The following EXOSC10 variants were observed in gnomAD, a reference collection of about 807,000 sequenced individuals.
The protein encoded by EXOSC10 is exosome complex component 10.
Under a neutral mutation model 126.6 loss-of-function variants are expected in EXOSC10, and 94 were observed. The ratio of observed to expected loss-of-function variants is 0.74; its 90% CI spans 0.63 to 0.88. The LOEUF is 0.88. EXOSC10 is among the 40% of genes least tolerant of loss of function. EXOSC10 has a pLI of 0.00. For synonymous variants in EXOSC10, 395 were observed against 400.8 expected (o/e 0.99, Z 0.17); for missense variants, 1,041 against 1,100.5 (o/e 0.95, Z 0.77).
intron 19 of EXOSC10, chr1:11,073,121 A>G (rs1033494750): frequency 6.6e-6 from 1 of 152,208 alleles, no homozygotes; most frequent in African/African-American, 2.4e-5. Context: ...TGTTTCTTAC[A>G]AAGTTTCCAA....
rs548659752 is a variant in EXOSC10, at chr1:11,078,280, C to T, written c.1750-629G>A. On this transcript the variant is annotated intron_variant, in intron 14 of 24. Transcript: ENST00000376936. ...ACCCTGTTTCTTTTTTTTTTTGAGA[C>T]GGAGTCTCGCTCTGTCGCCCAGACT... Among the ~76,000 whole-genome samples, 5 of 133,082 alleles carry T rather than the reference C, an allele frequency of 3.8e-5. 1 individual carries two copies. Among genetic ancestry groups the T allele is most frequent in the African/African-American group, 6.4e-5 (2 of 31,320 alleles). 87.3% of individuals were successfully genotyped at this position (133,082 alleles called of 152,430 possible). A position where few individuals can be genotyped will look rare whatever the true frequency, so the allele number is the denominator to read the frequency against.
rs765928264 is a variant in EXOSC10 at position 11,091,542 on chromosome 1, G to A, written c.428C>T (p.Pro143Leu). The change falls in exon 4 of 25, where the codon CCT (proline) becomes CTT (leucine). Residue 143 changes from proline (P) to leucine (L), a missense_variant. Pro to Leu is a moderately conservative substitution (Grantham distance 98). This residue lies in a region of EXOSC10 where 645 missense variants were observed against 656.3 expected (regional missense o/e 0.98). Transcript: ENST00000376936. ...CGTTTTGGGGACCTGCAAGCCGGCAGGGAGGACAGGCTGTTGATTCTTGTT... is the reference window on the plus strand; with the variant it reads ...CGTTTTGGGGACCTGCAAGCCGGCAAGGAGGACAGGCTGTTGATTCTTGTT... ...GVNKNQQPVL[P>L]AGLQVPKTVV... The A allele has an allele frequency of 1.2e-6, 2 of 1,614,218 alleles. No homozygotes were observed. Among genetic ancestry groups the A allele is most frequent in the Non-Finnish European group, 8.5e-7 (1 of 1,180,036 alleles).
rs774820562 is a variant in EXOSC10 at position 11,079,771 on chromosome 1, C to T, written c.1689G>A (p.Arg563=). ...ACCNPVPPLV[R]QQINEMHLLI... is the part of the protein sequence containing the mutation. The stretch of plus-strand genomic sequence containing the variant: ...AAAGGTGCATTTCGTTGATCTGCTG[C>T]CGCACAAGGGGCGGTACTGGGTTGC... Residue 563 remains arginine (R), a synonymous_variant, in exon 14 of 25, where the codon CGG becomes CGA. Coordinates refer to ENST00000376936, the MANE Select transcript of EXOSC10 (RefSeq NM_001001998.3). 5 of 1,613,836 alleles carry T rather than the reference C, an allele frequency of 3.1e-6. No individual in the cohort carries two copies. The highest frequency in any genetic ancestry group is 4.5e-5 in the East Asian group (2 of 44,856).
At position 11,091,084 on chromosome 1, in the gene EXOSC10, A is replaced by G. The variant is rs1570848500; in HGVS notation, c.573T>C (p.Ile191=). 2 of 1,614,186 alleles carry G rather than the reference A, an allele frequency of 1.2e-6. No individual in the cohort carries two copies. Among genetic ancestry groups the G allele is most frequent in the South Asian group, 1.1e-5 (1 of 91,084 alleles). ...GAAGAAATGGTGTGTTGGAATTGTC[A>G]ATCTTCTCTCGAAACTTGAGCTGAG... is the stretch of plus-strand genomic sequence containing the variant. ...IRPQLKFREK[I]DNSNTPFLPK... Residue 191 remains isoleucine, a synonymous_variant, in exon 5 of 25, where the codon ATT becomes ATC. Transcript: ENST00000376936.
In EXOSC10 at chr1:11,088,125, G is replaced by A. The variant is rs1009544158; in HGVS notation, c.832C>T (p.Gln278Ter). The change falls in exon 7 of 25, where the codon CAG (glutamine) becomes TAG (stop). Residue 278 changes from glutamine to a stop codon, truncating the protein, a stop_gained and splice_region_variant. Coordinates refer to ENST00000376936, the MANE Select transcript of EXOSC10 (RefSeq NM_001001998.3). LOFTEE classifies it high-confidence loss of function. Reference protein sequence around the residue: ...ADAVLQKPQPQLYRPIEETPC... With the variant: ...ADAVLQKPQP ...TTAAACTAAGGCTGGGTACTAACCT[G>A]GGGTTGTGGCTTTTGAAGCACTGCA... 2.5e-6 allele frequency: 4 copies of A among 1,612,658 alleles called. No homozygotes were observed. In the African/African-American group the frequency reaches 5.3e-5, roughly 22 times the overall value.
At position 11,068,021 on chromosome 1, in the gene EXOSC10, C is replaced by T. The variant is rs1018782839; in HGVS notation, c.2614G>A (p.Gly872Arg). 1.9e-6 allele frequency: 3 copies of T among 1,614,140 alleles called. No homozygotes were observed. The highest frequency in any genetic ancestry group is 4.5e-5 in the East Asian group (2 of 44,882). ...TCCACCACATACCTGTCTGACTTTC[C>T]AGTTGGAAAGGACATGCTTTTGTTT... ...VGNKSMSFPT[G>R]KSDRGFRYNW... The change falls in exon 24 of 25, where the codon GGA becomes AGA. Residue 872 changes from glycine to arginine, a missense_variant. Physicochemically the swap from Gly to Arg is moderately radical, Grantham distance 125 (BLOSUM62 -2). Transcript: ENST00000376936.
At chr1:11,069,106 C>T (rs1639288873) in intron 22 of EXOSC10, among the ~76,000 whole-genome samples, 1 of 152,098 alleles carries the variant, frequency 6.6e-6, no homozygotes, top group Non-Finnish European at 1.5e-5. Context: ...GCATGTTGCT[C>T]CGAAGGCTGC....
chr1:11,079,755 T>C lies in EXOSC10; in HGVS notation c.1705A>G (p.Met569Val), dbSNP rs1344267746. 6.2e-7 allele frequency: 1 copy of C among 1,613,992 alleles called. No individual in the cohort carries two copies. Among genetic ancestry groups the C allele is most frequent in the Non-Finnish European group, 8.5e-7 (1 of 1,179,972 alleles). ...CGGGCCTGCTGGATTAAAAGGTGCA[T>C]TTCGTTGATCTGCTGCCGCACAAGG... ...PPLVRQQINE[M>V]HLLIQQAREM... is the part of the protein sequence containing the mutation. Residue 569 changes from methionine to valine, a missense_variant, in exon 14 of 25, where the codon ATG (methionine) becomes GTG (valine). Met to Val is a conservative substitution (Grantham distance 21). Coordinates refer to ENST00000376936, the MANE Select transcript of EXOSC10 (RefSeq NM_001001998.3).
intron 3 of EXOSC10, among the ~76,000 whole-genome samples, chr1:11,092,063 A>G (rs762829987): frequency 6.6e-6 from 1 of 152,226 alleles, no homozygotes; most frequent in Non-Finnish European, 1.5e-5. Flanking sequence ...ATAAGAACAG[A>G]TCAATGTATG....
chr1:11,081,990 G>C (rs1167113006), intron 10 of EXOSC10, among the ~76,000 whole-genome samples: 1 of 151,652 alleles, frequency 6.6e-6, no homozygotes, highest in Non-Finnish European at 1.5e-5. Context: ...GCTGAGGCAG[G>C]AGAATTGCTT....
In EXOSC10 at chr1:11,095,604, C is replaced by T. The variant is rs1267597562; in HGVS notation, c.372+154G>A. 4 of 592,684 alleles carry T rather than the reference C, an allele frequency of 6.7e-6. No individual in the cohort carries two copies. In the East Asian group the frequency reaches 1.3e-4, roughly 20 times the overall value. 36.7% of individuals were successfully genotyped at this position (592,684 alleles called of 1,614,324 possible). ...TGGCGGGCGCCTGTAGTCCCAGCTA[C>T]TTGGGAGGCTGAGGCAGGAGAGTGT... On this transcript the variant is annotated intron_variant, in intron 3 of 24. Transcript: ENST00000376936.
At chr1:11,087,963 G>A in intron 7 of EXOSC10, 53 bp from the exon 8 acceptor site, 2 of 1,315,736 alleles carry the variant, frequency 1.5e-6, no homozygotes, top group East Asian at 2.3e-5. Context: ...TCATCCCCCA[G>A]TAAAGTACAA....
At chr1:11,068,187 G>A in intron 23 of EXOSC10, 103 bp from the exon 24 acceptor site, 1 of 888,166 alleles carries the variant, frequency 1.1e-6, no homozygotes, top group Non-Finnish European at 1.8e-6. Flanking sequence ...AGCAGCACAG[G>A]AGTGACTTTA....
intron 9 of EXOSC10, among the ~76,000 whole-genome samples, chr1:11,084,500 G>T (rs1441178112): frequency 1.3e-5 from 2 of 152,184 alleles, no homozygotes; most frequent in African/African-American, 4.8e-5. Context: ...ATTTGTTTGA[G>T]TTCATTGTAG....
intron 13 of EXOSC10, 124 bp from the exon 14 acceptor site, chr1:11,079,946 CTAA>C: frequency 1.3e-6 from 1 of 756,134 alleles, no homozygotes; most frequent in Non-Finnish European, 2.2e-6. Flanking sequence ...AGGTAGGTGA[CTAA>C]GGAAACACTG....
At chr1:11,071,315 C>A in intron 20 of EXOSC10, 1 of 290,188 alleles carries the variant, frequency 3.4e-6, no homozygotes, top group Non-Finnish European at 6.4e-6. Flanking sequence ...ACTTTGGCTG[C>A]CAGCAACTCC....
intron 9 of EXOSC10, among the ~76,000 whole-genome samples, chr1:11,083,465 G>A (rs565763498): frequency 9.4e-4 from 142 of 150,854 alleles, no homozygotes; most frequent in Non-Finnish European, 1.7e-3. Flanking sequence ...GGGAGGCCGA[G>A]GCAGGAGAAT....
chr1:11,095,557 CA>C (rs569099914), intron 3 of EXOSC10, 200 bp downstream of exon 3: 5 of 413,702 alleles, frequency 1.2e-5, no homozygotes, highest in Non-Finnish European at 2.3e-5. Flanking sequence ...ACTAAAAATA[CA>C]AAAAAATTAG....
chr1:11,095,988 C>CTTT, intron 2 of EXOSC10, 107 bp from the exon 3 acceptor site: 161 of 893,750 alleles, frequency 1.8e-4, no homozygotes, highest in South Asian at 3.5e-4. Context: ...CCCAACACAT[C>CTTT]TTTTTTTTTT....
Sources: gnomAD v4.1 joint callset for allele counts (sites outside exome capture counted in the v4.1 genomes callset) on GRCh38, gnomAD v4.1.1 for gene constraint, gnomAD v4.1.1 regional missense constraint, MANE v1.5 for transcripts, NCBI Gene and HGNC (gene_info 2026-07-23, HGNC 2026-07-21) for gene names.